TMCC1: variants seen among roughly 807,000 people sequenced by gnomAD.
TMCC1 encodes transmembrane and coiled-coil domain family 1.
Under a neutral mutation model 52.4 loss-of-function variants are expected in TMCC1, and 15 were observed. That is an observed-to-expected ratio of 0.29 (90% CI 0.19 to 0.44). The LOEUF (loss-of-function observed/expected upper bound fraction) is 0.44, where lower values mean the gene tolerates loss of function less well. Ranked by LOEUF, TMCC1 falls within the 20% of genes least tolerant of loss-of-function variation. The probability of loss-of-function intolerance (pLI) is 1.00; values close to 1 mark genes in which losing one functional copy is unlikely to be tolerated. For missense variants in TMCC1, 503 were observed against 806.0 expected (o/e 0.62, Z 4.55); for synonymous variants, 279 against 301.9 (o/e 0.92, Z 0.79).
intron 4 of TMCC1, among the ~76,000 whole-genome samples, chr3:129,750,094 T>G (rs2052355702): frequency 6.6e-6 from 1 of 152,232 alleles, no homozygotes; most frequent in Non-Finnish European, 1.5e-5. Context: ...GTAATAGTGT[T>G]TCTTGGATAA....
chr3:129,651,760 C>G lies in TMCC1; in HGVS notation c.1683G>C (p.Lys561Asn). Residue 561 changes from lysine (K) to asparagine (N), a missense_variant, in exon 7 of 7, where the codon AAG becomes AAC. By Grantham distance (94) the Lys-to-Asn change is moderately conservative (BLOSUM62 0). This residue lies in a region of TMCC1 where 121 missense variants were observed against 193.6 expected (regional missense o/e 0.62). Transcript: ENST00000393238. The surrounding 1 kb of genome is among the most constrained non-coding windows in gnomAD (Gnocchi z 5.1). ...ALEACQTRIS[K>N]MELQQQQQQV... ...GCTGCTGCTGCTGCTGCAGCTCCAT[C>G]TTGGAGATGCGCGTCTGGCATGCCT... is the stretch of plus-strand genomic sequence containing the variant. The G allele has an allele frequency of 6.2e-7, 1 of 1,614,086 alleles. No individual in the cohort carries two copies. Among genetic ancestry groups the G allele is most frequent in the Non-Finnish European group, 8.5e-7 (1 of 1,179,932 alleles).
intron 4 of TMCC1, among the ~76,000 whole-genome samples, chr3:129,795,449 T>C (rs1050806832): frequency 5.1e-5 from 3 of 59,350 alleles, no homozygotes; most frequent in Non-Finnish European, 6.5e-5. Context: ...AGGGCAGAAC[T>C]CATTCGTATA....
intron 4 of TMCC1, among the ~76,000 whole-genome samples, chr3:129,779,059 C>G (rs1047515124): frequency 6.6e-6 from 1 of 151,906 alleles, no homozygotes; most frequent in Non-Finnish European, 1.5e-5. Flanking sequence ...CTTGATTTGG[C>G]AATTCATTCA....
chr3:129,779,520 T>C (rs2055339976), intron 4 of TMCC1, among the ~76,000 whole-genome samples: 1 of 152,208 alleles, frequency 6.6e-6, no homozygotes, highest in Non-Finnish European at 1.5e-5. Flanking sequence ...AGTTAGTCCT[T>C]TGATATTATG....
In TMCC1 at chr3:129,670,395, A is replaced by G; in HGVS notation, c.1446T>C (p.Thr482=). The change falls in exon 5 of 7, where the codon ACT becomes ACC. Residue 482 remains threonine (T), a synonymous_variant. Transcript: ENST00000393238. The part of the protein sequence containing the change: ...TQARLEESFE[T]LKEHYQRDYS... ...AGTCCCTCTGATAATGTTCCTTGAG[A>G]GTCTCAAAGGATTCCTCTAGTCTGG... 1.2e-6 allele frequency: 2 copies of G among 1,614,142 alleles called. No homozygotes were observed. Among genetic ancestry groups the G allele is most frequent in the Non-Finnish European group, 1.7e-6 (2 of 1,180,016 alleles).
At chr3:129,726,482 T>G (rs995301655) in intron 4 of TMCC1, among the ~76,000 whole-genome samples, 1 of 152,196 alleles carries the variant, frequency 6.6e-6, no homozygotes, top group Admixed American at 6.5e-5. Flanking sequence ...TATTTTATTG[T>G]GCTTTACTAT....
At chr3:129,748,720 G>A (rs1019713872) in intron 4 of TMCC1, among the ~76,000 whole-genome samples, 2 of 151,852 alleles carry the variant, frequency 1.3e-5, no homozygotes, top group African/African-American at 2.4e-5. Context: ...TTTCAATTTC[G>A]GGCCAGCTGG....
intron 4 of TMCC1, among the ~76,000 whole-genome samples, chr3:129,813,282 A>G (rs926722955): frequency 2.2e-4 from 33 of 152,216 alleles, no homozygotes; most frequent in African/African-American, 7.5e-4. Context: ...AAACAGAATT[A>G]CCATTTAACC....
rs2058753934 is a variant in TMCC1, at chr3:129,828,461, T to C, written c.-83A>G. The C allele has an allele frequency of 7.5e-7, 1 of 1,334,884 alleles. No individual in the cohort carries two copies. The highest frequency in any genetic ancestry group is 1.5e-5 in the African/African-American group (1 of 68,502). The allele number at this position is 1,334,884 out of a possible 1,614,324, so 82.7% of individuals were successfully genotyped here. A position where few individuals can be genotyped will look rare whatever the true frequency, so the allele number is the denominator to read the frequency against. On this transcript the variant is annotated 5_prime_UTR_variant, in exon 4 of 7. The change abolishes the stop of an existing upstream ORF in the 5' untranslated region. Coordinates refer to ENST00000393238, the MANE Select transcript of TMCC1 (RefSeq NM_001017395.5). The surrounding 1 kb of genome is among the most constrained non-coding windows in gnomAD (Gnocchi z 4.1). Reference sequence around the variant, plus strand: ...GTGTCAAATTAGGTAGGCATTTGCTTCAACAGTGACTACGCATGCAGCTGT... The same window carrying C: ...GTGTCAAATTAGGTAGGCATTTGCTCCAACAGTGACTACGCATGCAGCTGT...
intron 5 of TMCC1, among the ~76,000 whole-genome samples, chr3:129,666,188 C>T (rs1383059485): frequency 6.6e-6 from 1 of 152,012 alleles, no homozygotes; most frequent in Admixed American, 6.6e-5. Context: ...GAGGCTGCTG[C>T]GGGTAGCTCA....
rs1203705961 is a variant in TMCC1, at chr3:129,648,644, AACCAGG to A, written c.*2831_*2836del. ...CCCAGGCTAGAGGCATGGACAAATA[AACCAGG>A]AATGTTTCATTTTAAAGGGAATGAA... On this transcript the variant is annotated 3_prime_UTR_variant, in exon 7 of 7. Coordinates refer to ENST00000393238, the MANE Select transcript of TMCC1 (RefSeq NM_001017395.5). 6.6e-6 allele frequency: 1 copy of A among 152,142 alleles called. No homozygotes were observed. Among genetic ancestry groups the A allele is most frequent in the African/African-American group, 2.4e-5 (1 of 41,426 alleles). The allele number at this position is 152,142 out of a possible 1,614,324, so 9.4% of individuals were successfully genotyped here.
intron 4 of TMCC1, among the ~76,000 whole-genome samples, chr3:129,720,201 A>AAGAG (rs1303384260): frequency 2.6e-5 from 4 of 151,192 alleles, no homozygotes; most frequent in African/African-American, 9.8e-5. Context: ...AAAAAAAAAA[A>AAGAG]AGAGATGGAA....
intron 2 of TMCC1, among the ~76,000 whole-genome samples, chr3:129,880,053 G>GC (rs2061392596): frequency 6.6e-6 from 1 of 152,098 alleles, no homozygotes; most frequent in African/African-American, 2.4e-5. Flanking sequence ...AATTCAAGCT[G>GC]CTCCCCGTTA....
chr3:129,762,084 T>A (rs1270606751), intron 4 of TMCC1, among the ~76,000 whole-genome samples: 6 of 149,144 alleles, frequency 4.0e-5, no homozygotes, highest in Non-Finnish European at 7.4e-5. Flanking sequence ...TCACCCAGGC[T>A]AAAGTATAGT....
At chr3:129,820,217 T>C (rs556607561) in intron 4 of TMCC1, among the ~76,000 whole-genome samples, 65 of 151,498 alleles carry the variant, frequency 4.3e-4, no homozygotes, top group African/African-American at 1.5e-3. Context: ...TTCTTACCAA[T>C]TGTGTAAACA....
chr3:129,825,641 C>T (rs2058625273), intron 4 of TMCC1, among the ~76,000 whole-genome samples: 2 of 151,966 alleles, frequency 1.3e-5, no homozygotes, highest in South Asian at 4.1e-4. Flanking sequence ...GTTGAATCAA[C>T]AACAGTTGAA....
chr3:129,843,921 A>AC (rs960844740), intron 2 of TMCC1, among the ~76,000 whole-genome samples: 2 of 151,562 alleles, frequency 1.3e-5, no homozygotes, highest in African/African-American at 4.8e-5. Flanking sequence ...CAAAAAAAAA[A>AC]AAAAACAACT....
intron 4 of TMCC1, among the ~76,000 whole-genome samples, chr3:129,712,451 TTTA>T (rs1242232005): frequency 6.6e-6 from 1 of 152,076 alleles, no homozygotes; most frequent in Non-Finnish European, 1.5e-5. Flanking sequence ...AAAACATTAT[TTTA>T]TTATTATTTT....
intron 4 of TMCC1, among the ~76,000 whole-genome samples, chr3:129,693,896 T>G (rs1407363795): frequency 6.6e-6 from 1 of 152,224 alleles, no homozygotes. Context: ...TATCAAGATA[T>G]AATTGGATTT....
Sources: gnomAD v4.1 joint callset for allele counts (sites outside exome capture counted in the v4.1 genomes callset) on GRCh38, gnomAD v4.1.1 for gene constraint, gnomAD v4.1.1 regional missense constraint, Gnocchi (gnomAD v3.1) non-coding constraint, MANE v1.5 for transcripts, NCBI Gene and HGNC (gene_info 2026-07-23, HGNC 2026-07-21) for gene names.